DNAAF5: variants seen among roughly 807,000 people sequenced by gnomAD.
DNAAF5 encodes the protein HEAT repeat containing 2.
A neutral mutation model predicts 75.8 loss-of-function variants in DNAAF5; 64 were observed. The observed-to-expected ratio is 0.84, with a 90% CI of 0.69 to 1.04. The LOEUF (loss-of-function observed/expected upper bound fraction) is 1.04. Among genes scored for constraint, DNAAF5 ranks in the 50% least tolerant of loss-of-function variants. The pLI, the probability that DNAAF5 is intolerant of heterozygous loss-of-function variation, is 0.00. For synonymous variants in DNAAF5, 657 were observed against 557.2 expected (o/e 1.18, Z -2.52); for missense variants, 1,269 against 1,178.5 (o/e 1.08, Z -1.12).
At chr7:767,765 C>G (rs961534110) in intron 8 of DNAAF5, among the ~76,000 whole-genome samples, 3 of 151,118 alleles carry the variant, frequency 2.0e-5, no homozygotes, top group Non-Finnish European at 2.9e-5. Context: ...GACACGTGAT[C>G]CGGGCGGAAG....
rs138416724 is a variant in DNAAF5 at position 757,529 on chromosome 7, G to A, written c.1470+535G>A. ...CCCCATCAGCCCTGCCTGGCGTTCC[G>A]ATCTGTGCTTCTCACAGCCCAGCTG... On this transcript the variant is annotated intron_variant, in intron 6 of 12. Coordinates refer to ENST00000297440, the MANE Select transcript of DNAAF5 (RefSeq NM_017802.4). Among the ~76,000 whole-genome samples, 19 of 152,356 alleles carry A rather than the reference G, an allele frequency of 1.2e-4. No homozygotes were observed. The East Asian group carries it at 2.9e-3, about 23-fold the overall frequency.
intron 4 of DNAAF5, among the ~76,000 whole-genome samples, chr7:748,240 TTG>T (rs1782178960): frequency 1.3e-5 from 1 of 78,154 alleles, no homozygotes; most frequent in Non-Finnish European, 2.7e-5. Context: ...TTGGTGGGGT[TTG>T]CTGGTTTGAG....
intron 6 of DNAAF5, 45 bp from the exon 7 acceptor site, chr7:761,708 G>A (rs534408893): frequency 2.2e-5 from 34 of 1,555,120 alleles, no homozygotes; most frequent in African/African-American, 4.1e-5. Context: ...GTGGGGACAC[G>A]ACCAAATTGT....
intron 12 of DNAAF5, among the ~76,000 whole-genome samples, chr7:782,054 G>A (rs540778532): frequency 2.6e-5 from 4 of 152,354 alleles, no homozygotes; most frequent in South Asian, 2.1e-4. Context: ...GACCTTCCCC[G>A]CGCAGCTGCG....
chr7:735,938 T>C (rs1781729649), intron 2 of DNAAF5, among the ~76,000 whole-genome samples: 1 of 152,216 alleles, frequency 6.6e-6, no homozygotes, highest in African/African-American at 2.4e-5. Context: ...TTAGTGCTGC[T>C]TTTGCTGTTT....
At chr7:735,287 C>T (rs1007008171) in intron 2 of DNAAF5, among the ~76,000 whole-genome samples, 9 of 148,432 alleles carry the variant, frequency 6.1e-5, no homozygotes, top group Non-Finnish European at 8.9e-5. Context: ...CTCACAGTGT[C>T]GCCGCTCACG....
intron 4 of DNAAF5, among the ~76,000 whole-genome samples, chr7:746,988 G>A (rs763156877): frequency 3.9e-5 from 6 of 152,204 alleles, no homozygotes; most frequent in South Asian, 2.1e-4. Flanking sequence ...TTCCTTCTTC[G>A]CGTGAGTCAC....
At chr7:757,119 C>T (rs937617757) in intron 6 of DNAAF5, 125 bp downstream of exon 6, 25 of 927,792 alleles carry the variant, frequency 2.7e-5, no homozygotes, top group East Asian at 5.3e-5. Flanking sequence ...AAGCACCCAG[C>T]GACGTGTCTG....
At position 780,071 on chromosome 7, in the gene DNAAF5, T is replaced by C. The variant is rs545458312; in HGVS notation, c.2358T>C (p.Ser786=). 3 of 1,614,248 alleles carry C rather than the reference T, an allele frequency of 1.9e-6. No individual in the cohort carries two copies. The highest frequency in any genetic ancestry group is 1.1e-5 in the South Asian group (1 of 91,080). ...GANAKSYYQS[S]VQYLYRELLV... ...ACGCAAAATCCTACTATCAGAGCAG[T>C]GTCCAGTACCTGTACCGAGAGTTGC... The change falls in exon 12 of 13, where the codon AGT becomes AGC. Residue 786 remains serine (S), a synonymous_variant. Coordinates refer to ENST00000297440, the MANE Select transcript of DNAAF5 (RefSeq NM_017802.4).
intron 11 of DNAAF5, among the ~76,000 whole-genome samples, chr7:778,003 C>A (rs1166388089): frequency 1.3e-5 from 2 of 152,190 alleles, no homozygotes; most frequent in African/African-American, 4.8e-5. Context: ...TCTTCCAGAA[C>A]TGGAGACAGA....
At chr7:771,953 G>T (rs1483535893) in intron 9 of DNAAF5, 2 of 122,450 alleles carry the variant, frequency 1.6e-5, no homozygotes, top group Non-Finnish European at 3.7e-5. Flanking sequence ...TAATAGGAAA[G>T]ATTTTTTTTT....
rs1319870208 is a variant in DNAAF5, at chr7:765,637, T to A, written c.1783+1663T>A. ...TGGGCCCACATCTCCTGTCATTCAC[T>A]GAAAGGCAGGAAGACTGCAGTATGC... On this transcript the variant is annotated intron_variant, in intron 8 of 12. Coordinates refer to ENST00000297440, the MANE Select transcript of DNAAF5 (RefSeq NM_017802.4). Among the ~76,000 whole-genome samples the A allele has an allele frequency of 2.0e-5, 3 of 152,336 alleles. No homozygotes were observed. In the East Asian group the frequency reaches 5.8e-4, roughly 29 times the overall value.
chr7:740,228 T>C lies in DNAAF5; in HGVS notation c.781-591T>C, dbSNP rs73256287. Among the ~76,000 whole-genome samples, 388 of 152,308 alleles carry C rather than the reference T, an allele frequency of 2.5e-3. 1 individual carries two copies. Among genetic ancestry groups the C allele is most frequent in the African/African-American group, 9.0e-3 (373 of 41,568 alleles). On this transcript the variant is annotated intron_variant, in intron 2 of 12. Coordinates refer to ENST00000297440, the MANE Select transcript of DNAAF5 (RefSeq NM_017802.4). Reference sequence around the variant, plus strand: ...GGGAGCTTGGCTAGAGCACCTGGTGTGTGTGAAGCTGGTTTCTTCCGCCTG... The same window carrying C: ...GGGAGCTTGGCTAGAGCACCTGGTGCGTGTGAAGCTGGTTTCTTCCGCCTG...
At position 726,808 on chromosome 7, in the gene DNAAF5, G is replaced by T; in HGVS notation, c.88G>T (p.Ala30Ser). 1 of 1,320,892 alleles carries T rather than the reference G, an allele frequency of 7.6e-7. No individual in the cohort carries two copies. The highest frequency in any genetic ancestry group is 9.6e-7 in the Non-Finnish European group (1 of 1,038,740). 81.8% of individuals were successfully genotyped at this position (1,320,892 alleles called of 1,614,324 possible). Reference sequence around the variant, plus strand: ...GGCTGAGGCGGTGGAGCTGAGCCGCGCCCTGAGCCGCCTGCTGCCGGGGCT... The same window carrying T: ...GGCTGAGGCGGTGGAGCTGAGCCGCTCCCTGAGCCGCCTGCTGCCGGGGCT... ...ETAEAVELSR[A>S]LSRLLPGLEA... Residue 30 changes from alanine to serine, a missense_variant, in exon 1 of 13, where the codon GCC becomes TCC. Ala to Ser is a moderately conservative substitution (Grantham distance 99, BLOSUM62 1). Coordinates refer to ENST00000297440, the MANE Select transcript of DNAAF5 (RefSeq NM_017802.4).
intron 12 of DNAAF5, among the ~76,000 whole-genome samples, chr7:783,775 G>A (rs1022092536): frequency 1.3e-5 from 2 of 151,652 alleles, no homozygotes; most frequent in Non-Finnish European, 2.9e-5. Context: ...CAGCTCTCCT[G>A]TCCTGCACTA....
At chr7:757,377 G>C (rs573150823) in intron 6 of DNAAF5, among the ~76,000 whole-genome samples, 4 of 152,362 alleles carry the variant, frequency 2.6e-5, no homozygotes, top group Admixed American at 2.6e-4. Context: ...GGCCCATGCT[G>C]CTGGGGGTAG....
chr7:727,998 G>A (rs964570923), intron 1 of DNAAF5, among the ~76,000 whole-genome samples: 7 of 151,894 alleles, frequency 4.6e-5, no homozygotes, highest in Admixed American at 4.6e-4. Flanking sequence ...TTGAGACTCT[G>A]CTCTGGTCAT....
At chr7:753,869 C>T (rs146818785) in intron 4 of DNAAF5, among the ~76,000 whole-genome samples, 1,891 of 115,070 alleles carry the variant, frequency 0.016, 36 homozygotes, top group East Asian at 0.14. Context: ...CATATGGCGA[C>T]GGCTTCGCAG....
intron 12 of DNAAF5, among the ~76,000 whole-genome samples, chr7:781,735 G>A (rs1000304517): frequency 5.9e-5 from 9 of 152,214 alleles, no homozygotes; most frequent in African/African-American, 1.7e-4. Context: ...GCATTTCTCT[G>A]AGGAGCGGTG....
Sources: allele counts gnomAD v4.1 joint callset (sites outside exome capture counted in the v4.1 genomes callset), GRCh38; gene constraint gnomAD v4.1.1; transcripts MANE v1.5; gene names NCBI Gene and HGNC (gene_info 2026-07-23, HGNC 2026-07-21).